The following RHBDD1 variants were observed in gnomAD, a reference collection of about 807,000 sequenced individuals.
The protein encoded by RHBDD1 is rhomboid-related protein 4.
In RHBDD1, 38 loss-of-function variants were observed where a neutral mutation model predicts 36.3. The ratio of observed to expected loss-of-function variants is 1.05; its 90% CI spans 0.81 to 1.37. The LOEUF is 1.37. Among genes scored for constraint, RHBDD1 ranks in the 40% most tolerant of loss-of-function variants. RHBDD1 has a pLI of 0.00. For missense variants in RHBDD1, 393 were observed against 377.6 expected (o/e 1.04, Z -0.34); for synonymous variants, 151 against 136.5 (o/e 1.11, Z -0.74).
At chr2:226,822,333 G>A in the RHBDD1 span, among the ~76,000 whole-genome samples, 35 of 144,506 alleles carry the variant, frequency 2.4e-4, 1 homozygote, top group Non-Finnish European at 4.3e-4. Context: ...GCTCTTTTGC[G>A]TACATTAAGA....
intron 5 of RHBDD1, among the ~76,000 whole-genome samples, chr2:226,870,211 A>G (rs1203966820): frequency 2.0e-5 from 3 of 152,128 alleles, no homozygotes; most frequent in African/African-American, 7.2e-5. Flanking sequence ...TCACCTGTGT[A>G]ATGGGCTATT....
At chr2:226,806,787 T>C in the RHBDD1 span, among the ~76,000 whole-genome samples, 1 of 152,318 alleles carries the variant, frequency 6.6e-6, no homozygotes, top group East Asian at 1.9e-4. Flanking sequence ...CTAAATTAAT[T>C]TCCTAGCACA....
intron 8 of RHBDD1, among the ~76,000 whole-genome samples, chr2:226,949,454 A>C (rs1390376128): frequency 6.6e-6 from 1 of 152,122 alleles, no homozygotes; most frequent in East Asian, 1.9e-4. Context: ...ATGGATGTGG[A>C]CATTGCTGGG....
chr2:226,947,579 G>A (rs1444965668), intron 8 of RHBDD1, among the ~76,000 whole-genome samples: 2 of 152,030 alleles, frequency 1.3e-5, no homozygotes, highest in Admixed American at 6.6e-5. Context: ...TTGACTTGGC[G>A]ATGCAGGCTC....
intron 8 of RHBDD1, among the ~76,000 whole-genome samples, chr2:226,939,782 G>A (rs1276629055): frequency 6.6e-6 from 1 of 152,004 alleles, no homozygotes; most frequent in Non-Finnish European, 1.5e-5. Flanking sequence ...AATTCATATG[G>A]AGCCAAAAAG....
At chr2:226,848,105 T>G (rs1258111488) in intron 3 of RHBDD1, among the ~76,000 whole-genome samples, 4 of 152,242 alleles carry the variant, frequency 2.6e-5, no homozygotes, top group Non-Finnish European at 5.9e-5. Flanking sequence ...TTTTAAAATC[T>G]TGATTTTTAA....
chr2:226,847,040 T>C (rs746874285), intron 3 of RHBDD1, among the ~76,000 whole-genome samples: 1 of 152,244 alleles, frequency 6.6e-6, no homozygotes, highest in Non-Finnish European at 1.5e-5. Context: ...CATAATGTAC[T>C]CTGTGAACTG....
intron 8 of RHBDD1, among the ~76,000 whole-genome samples, chr2:226,986,996 C>T (rs1957100374): frequency 6.6e-6 from 1 of 152,116 alleles, no homozygotes; most frequent in Non-Finnish European, 1.5e-5. Flanking sequence ...ACTATGCAGC[C>T]ATAAAAAAGA....
chr2:226,965,733 G>A (rs1952574922), intron 8 of RHBDD1, among the ~76,000 whole-genome samples: 1 of 152,096 alleles, frequency 6.6e-6, no homozygotes, highest in Admixed American at 6.5e-5. Context: ...AGCTCCATGT[G>A]CCATCATCCT....
chr2:226,805,911 C>T, the RHBDD1 span, among the ~76,000 whole-genome samples: 3 of 152,140 alleles, frequency 2.0e-5, no homozygotes, highest in South Asian at 6.2e-4. Flanking sequence ...CAAGGCAAAT[C>T]ATCATAACTT....
intron 8 of RHBDD1, among the ~76,000 whole-genome samples, chr2:226,938,381 A>G (rs900575366): frequency 6.6e-6 from 1 of 151,960 alleles, no homozygotes; most frequent in African/African-American, 2.4e-5. Flanking sequence ...TCCCTTCTGT[A>G]GTTGGTTCAC....
intron 8 of RHBDD1, 101 bp downstream of exon 8, chr2:226,914,452 GA>G: frequency 7.5e-7 from 1 of 1,332,854 alleles, no homozygotes; most frequent in Non-Finnish European, 1.0e-6. Flanking sequence ...AAACAGTTCA[GA>G]AAAAGGATAT....
At chr2:226,954,951 G>A (rs1951690502) in intron 8 of RHBDD1, among the ~76,000 whole-genome samples, 1 of 152,008 alleles carries the variant, frequency 6.6e-6, no homozygotes, top group African/African-American at 2.4e-5. Flanking sequence ...GCACAGTGGG[G>A]AGCGTTCACC....
In RHBDD1 at chr2:226,978,674, C is replaced by T. The variant is rs185749436; in HGVS notation, c.857-16757C>T. ...GAGCTCACAACGCAGTGAGAATGCA[C>T]GCTGTCAAAATGATTAGATTCACGA... On this transcript the variant is annotated intron_variant, in intron 8 of 8. Transcript: ENST00000392062. Among the ~76,000 whole-genome samples, 3 of 152,282 alleles carry T rather than the reference C, an allele frequency of 2.0e-5. No homozygotes were observed. In the East Asian group the frequency reaches 5.8e-4, roughly 29 times the overall value.
the RHBDD1 span, among the ~76,000 whole-genome samples, chr2:226,830,528 A>G: frequency 6.6e-6 from 1 of 152,272 alleles, no homozygotes; most frequent in African/African-American, 2.4e-5. Flanking sequence ...GGGTCTTGCT[A>G]TGTGGCCTAG....
At chr2:226,886,513 G>A (rs1946221966) in intron 5 of RHBDD1, among the ~76,000 whole-genome samples, 2 of 152,208 alleles carry the variant, frequency 1.3e-5, no homozygotes, top group African/African-American at 4.8e-5. Flanking sequence ...GAGTAGGACA[G>A]TGGAAGCTCC....
At chr2:226,906,303 CT>C (rs1948048584) in intron 5 of RHBDD1, among the ~76,000 whole-genome samples, 1 of 152,158 alleles carries the variant, frequency 6.6e-6, no homozygotes, top group South Asian at 2.1e-4. Flanking sequence ...ATCTCAGTTC[CT>C]TTTGCTGAGT....
intron 5 of RHBDD1, among the ~76,000 whole-genome samples, chr2:226,878,312 A>G (rs1945414952): frequency 6.6e-6 from 1 of 151,224 alleles, no homozygotes; most frequent in South Asian, 2.1e-4. Context: ...TAGAAAGGAG[A>G]ATGGCTAATA....
At chr2:226,899,126 C>T (rs914851245) in intron 5 of RHBDD1, among the ~76,000 whole-genome samples, 6 of 152,176 alleles carry the variant, frequency 3.9e-5, no homozygotes, top group African/African-American at 1.4e-4. Flanking sequence ...GTCACAGTGG[C>T]ACATGAGAGC....
Sources: gnomAD v4.1 joint callset for allele counts (sites outside exome capture counted in the v4.1 genomes callset) on GRCh38, gnomAD v4.1.1 for gene constraint, MANE v1.5 for transcripts, NCBI Gene and HGNC (gene_info 2026-07-23, HGNC 2026-07-21) for gene names.